TMEM65: variants seen among roughly 807,000 people sequenced by gnomAD.
The protein encoded by TMEM65 is transmembrane protein 65.
TMEM65 carries 22 observed loss-of-function variants against 25.4 expected under a neutral mutation model. The observed-to-expected ratio is 0.86, with a 90% CI of 0.62 to 1.23. The LOEUF (loss-of-function observed/expected upper bound fraction) is 1.23, where lower values mean the gene tolerates loss of function less well. Ranked by LOEUF, TMEM65 falls within the 50% of genes most tolerant of loss-of-function variation. The probability of loss-of-function intolerance (pLI) is 0.00; values close to 1 mark genes in which losing one functional copy is unlikely to be tolerated. For missense variants in TMEM65, 262 were observed against 308.2 expected (o/e 0.85, Z 1.12); for synonymous variants, 132 against 126.2 (o/e 1.05, Z -0.31).
At chr8:124,338,014 T>C (rs907558906) in intron 1 of TMEM65, among the ~76,000 whole-genome samples, 2 of 151,950 alleles carry the variant, frequency 1.3e-5, no homozygotes, top group African/African-American at 4.8e-5. Flanking sequence ...TATATAATTA[T>C]AGAAAGTTAA....
intron 1 of TMEM65, among the ~76,000 whole-genome samples, chr8:124,365,829 T>G (rs1190783008): frequency 6.6e-6 from 1 of 152,234 alleles, no homozygotes; most frequent in Non-Finnish European, 1.5e-5. Flanking sequence ...CACTTTGATT[T>G]TAGTCCTTTA....
intron 1 of TMEM65, among the ~76,000 whole-genome samples, chr8:124,366,214 T>A (rs1025642750): frequency 5.9e-5 from 9 of 152,244 alleles, no homozygotes; most frequent in Non-Finnish European, 1.2e-4. Context: ...AGCACGAGAC[T>A]CCGTCTCAAA....
chr8:124,307,445 C>A lies in TMEM65; in HGVS notation c.*6515G>T, dbSNP rs1410722897. The A allele has an allele frequency of 6.9e-6, 1 of 145,802 alleles. No homozygotes were observed. The highest frequency in any genetic ancestry group is 1.5e-5 in the Non-Finnish European group (1 of 65,850). The allele number at this position is 145,802 out of a possible 1,614,324, so 9.0% of individuals were successfully genotyped here. ...AAGATAAATGAATCCAGCATAAGGA[C>A]CACTGTTAAAAAAAATTAAGAAAAT... is the stretch of plus-strand genomic sequence containing the variant. On this transcript the variant is annotated 3_prime_UTR_variant, in exon 7 of 7. Transcript: ENST00000297632.
chr8:124,360,733 T>C (rs1814848399), intron 1 of TMEM65, among the ~76,000 whole-genome samples: 1 of 152,112 alleles, frequency 6.6e-6, no homozygotes, highest in Non-Finnish European at 1.5e-5. Context: ...CCTTTGAAAA[T>C]GCAAATTTAG....
Position 124,308,079 on chromosome 8 carries a change from T to C in TMEM65, c.*5881A>G, listed in dbSNP as rs955768065. On this transcript the variant is annotated 3_prime_UTR_variant, in exon 7 of 7. Coordinates refer to ENST00000297632, the MANE Select transcript of TMEM65 (RefSeq NM_194291.3). ...ACCAGCTGCCAGTCTTCTGGCAGTA[T>C]AACAAGAAGGCCTGGACGACAAGAA... The C allele has an allele frequency of 2.0e-5, 3 of 152,186 alleles. No homozygotes were observed. Among genetic ancestry groups the C allele is most frequent in the African/African-American group, 7.2e-5 (3 of 41,432 alleles). The allele number at this position is 152,186 out of a possible 1,614,324, so 9.4% of individuals were successfully genotyped here.
intron 1 of TMEM65, among the ~76,000 whole-genome samples, chr8:124,352,490 AATAAAAT>A (rs1814724176): frequency 8.8e-6 from 1 of 113,470 alleles, no homozygotes; most frequent in Non-Finnish European, 1.7e-5. Flanking sequence ...AATAAAATAA[AATAAAAT>A]AAAATAAAAT....
chr8:124,321,035 A>T (rs1164657520), intron 5 of TMEM65, among the ~76,000 whole-genome samples: 2 of 152,168 alleles, frequency 1.3e-5, no homozygotes, highest in African/African-American at 4.8e-5. Context: ...AAAGCTATAC[A>T]ATGACTGTAA....
chr8:124,315,992 C>T (rs1348015612), intron 6 of TMEM65, among the ~76,000 whole-genome samples: 2 of 152,246 alleles, frequency 1.3e-5, no homozygotes, highest in East Asian at 1.9e-4. Flanking sequence ...GCCAATAGGC[C>T]CCACTTTCAC....
chr8:124,355,123 T>C (rs1296108383), intron 1 of TMEM65, among the ~76,000 whole-genome samples: 2 of 151,966 alleles, frequency 1.3e-5, no homozygotes, highest in Non-Finnish European at 2.9e-5. Context: ...TAAAAGAAGA[T>C]AGGCAAAAAG....
chr8:124,316,895 T>C (rs900073016), intron 6 of TMEM65, among the ~76,000 whole-genome samples: 2 of 152,178 alleles, frequency 1.3e-5, no homozygotes, highest in African/African-American at 4.8e-5. Context: ...ATTAACATTC[T>C]ACTTTCTTAA....
rs79844007 is a variant in TMEM65, at chr8:124,350,032, G to A, written c.305-19240C>T. Among the ~76,000 whole-genome samples the A allele has an allele frequency of 2.0e-3, 303 of 151,940 alleles. 1 individual carries two copies. Among genetic ancestry groups the A allele is most frequent in the Non-Finnish European group, 3.2e-3 (217 of 67,940 alleles). On this transcript the variant is annotated intron_variant, in intron 1 of 6. Transcript: ENST00000297632. ...TGCATTAAATGTTTAACTTCTACAT[G>A]CAAACTAAGATTTAAAATTTTTAAT...
At chr8:124,337,500 G>A (rs1814527319) in intron 1 of TMEM65, among the ~76,000 whole-genome samples, 1 of 151,846 alleles carries the variant, frequency 6.6e-6, no homozygotes, top group African/African-American at 2.4e-5. Flanking sequence ...TTCCAATGAA[G>A]GAAAAGTTGC....
At chr8:124,314,256 T>G (rs867657467) in intron 6 of TMEM65, among the ~76,000 whole-genome samples, 195 bp from the exon 7 acceptor site, 1 of 152,202 alleles carries the variant, frequency 6.6e-6, no homozygotes, top group African/African-American at 2.4e-5. Context: ...TTTGTTTTCT[T>G]CCTCAATCCG....
In TMEM65 at chr8:124,363,294, T is replaced by C. The variant is rs138573711; in HGVS notation, c.304+8560A>G. On this transcript the variant is annotated intron_variant, in intron 1 of 6. Coordinates refer to ENST00000297632, the MANE Select transcript of TMEM65 (RefSeq NM_194291.3). ...CTTTGAGTTATAGTTTATGGATATGTTACTAATATATAGTCCAAAATTGTA... is the reference window on the plus strand; with the variant it reads ...CTTTGAGTTATAGTTTATGGATATGCTACTAATATATAGTCCAAAATTGTA... Among the ~76,000 whole-genome samples the C allele has an allele frequency of 4.6e-5, 7 of 152,318 alleles. No individual in the cohort carries two copies. The East Asian group carries it at 1.4e-3, about 29-fold the overall frequency.
intron 4 of TMEM65, among the ~76,000 whole-genome samples, chr8:124,322,633 T>C (rs887518593): frequency 4.6e-5 from 7 of 152,062 alleles, no homozygotes; most frequent in Non-Finnish European, 1.0e-4. Context: ...AATCCTGTAT[T>C]TCCTTCTTTG....
At chr8:124,359,072 G>A (rs1256466720) in intron 1 of TMEM65, among the ~76,000 whole-genome samples, 3 of 152,214 alleles carry the variant, frequency 2.0e-5, no homozygotes, top group Admixed American at 1.3e-4. Flanking sequence ...GAAACTGGTA[G>A]TAAATGGCAA....
chr8:124,345,027 A>G (rs184004550), intron 1 of TMEM65, among the ~76,000 whole-genome samples: 2 of 152,322 alleles, frequency 1.3e-5, no homozygotes, highest in East Asian at 3.9e-4. Flanking sequence ...AAAAGGGGGA[A>G]ATTGTTAAAT....
chr8:124,333,550 C>A (rs1436979489), intron 1 of TMEM65, among the ~76,000 whole-genome samples: 2 of 151,150 alleles, frequency 1.3e-5, no homozygotes, highest in African/African-American at 2.4e-5. Flanking sequence ...TATTTTAAAA[C>A]AATAAGATAA....
At chr8:124,331,219 A>C (rs1435469868) in intron 1 of TMEM65, among the ~76,000 whole-genome samples, 1 of 151,820 alleles carries the variant, frequency 6.6e-6, no homozygotes, top group Non-Finnish European at 1.5e-5. Flanking sequence ...GAAAACATGA[A>C]TATTCAAATA....
Sources: allele counts gnomAD v4.1 joint callset (sites outside exome capture counted in the v4.1 genomes callset), GRCh38; gene constraint gnomAD v4.1.1; transcripts MANE v1.5; gene names NCBI Gene and HGNC (gene_info 2026-07-23, HGNC 2026-07-21).